COL26A1: variants seen among roughly 807,000 people sequenced by gnomAD.
COL26A1 encodes the protein collagen type XXVI alpha 1 chain, also known as collagen alpha-1(XXVI) chain.
A neutral mutation model predicts 59.3 loss-of-function variants in COL26A1; 41 were observed. That is an observed-to-expected ratio of 0.69 (90% CI 0.54 to 0.90). The LOEUF is 0.90. Among genes scored for constraint, COL26A1 ranks in the 40% least tolerant of loss-of-function variants. COL26A1 has a pLI of 0.00. For missense variants in COL26A1, 612 were observed against 602.3 expected (o/e 1.02, Z -0.17); for synonymous variants, 266 against 256.0 (o/e 1.04, Z -0.37).
At chr7:101,446,885 AATTTACACAGAGCCGGCTGT>A (rs1456381494) in intron 2 of COL26A1, among the ~76,000 whole-genome samples, 1 of 151,806 alleles carries the variant, frequency 6.6e-6, no homozygotes, top group Non-Finnish European at 1.5e-5. Flanking sequence ...GAGAAAGAGT[AATTTACACAGAGCCGGCTGT>A]ATGGGAGACT....
intron 12 of COL26A1, among the ~76,000 whole-genome samples, chr7:101,556,774 G>A (rs4729729): frequency 0.84 from 127,421 of 151,938 alleles, 53,838 homozygotes; most frequent in East Asian, 0.98. Context: ...GGGTGGATGG[G>A]CGGGTGAGTG....
chr7:101,524,883 C>A lies in COL26A1; in HGVS notation c.386-8199C>A, dbSNP rs116581447. Among the ~76,000 whole-genome samples, 988 of 152,222 alleles carry A rather than the reference C, an allele frequency of 6.5e-3. 16 individuals are homozygous for A. Among genetic ancestry groups the A allele is most frequent in the African/African-American group, 0.022 (930 of 41,512 alleles). ...CCTGTGGTCCAGCCATGGTGCAAGA[C>A]CCATCAACCTTGAATAAGGGTTGGA... On this transcript the variant is annotated intron_variant, in intron 3 of 12. Coordinates refer to ENST00000313669, the MANE Select transcript of COL26A1 (RefSeq NM_001278563.3).
chr7:101,380,680 T>C (rs1464421793), intron 1 of COL26A1, among the ~76,000 whole-genome samples: 22 of 152,162 alleles, frequency 1.4e-4, no homozygotes, highest in Non-Finnish European at 1.5e-5. Context: ...GGCCACACCC[T>C]GATCAGTCTT....
intron 1 of COL26A1, among the ~76,000 whole-genome samples, chr7:101,398,136 T>G (rs1791903183): frequency 6.6e-6 from 1 of 152,252 alleles, no homozygotes; most frequent in Non-Finnish European, 1.5e-5. Context: ...TTGTGCTTTT[T>G]CAGTGCTGTG....
intron 2 of COL26A1, among the ~76,000 whole-genome samples, chr7:101,423,459 G>A (rs1232282785): frequency 6.6e-6 from 1 of 152,194 alleles, no homozygotes; most frequent in Non-Finnish European, 1.5e-5. Context: ...GTCCGGCCCG[G>A]CGTGGTGGCT....
intron 2 of COL26A1, among the ~76,000 whole-genome samples, chr7:101,424,529 C>A (rs552480355): frequency 2.0e-5 from 3 of 151,764 alleles, no homozygotes; most frequent in African/African-American, 7.2e-5. Context: ...ACCTGGGAAG[C>A]GGAGGCTGCA....
chr7:101,387,774 A>ATTTTTTTTTTTTTTTTTTTT (rs1185449488), intron 1 of COL26A1, among the ~76,000 whole-genome samples: 10 of 48,898 alleles, frequency 2.0e-4, no homozygotes, highest in Non-Finnish European at 4.1e-4. Context: ...ATATATATAT[A>ATTTTTTTTTTTTTTTTTTTT]TATATTTTTT....
chr7:101,557,179 GA>G (rs1795998721), intron 12 of COL26A1, among the ~76,000 whole-genome samples, 190 bp from the exon 13 acceptor site: 1 of 152,200 alleles, frequency 6.6e-6, no homozygotes, highest in African/African-American at 2.4e-5. Context: ...GTGGATGGGT[GA>G]ATGAGTGAAT....
At chr7:101,491,165 C>G (rs139217203) in intron 3 of COL26A1, among the ~76,000 whole-genome samples, 1 of 152,054 alleles carries the variant, frequency 6.6e-6, no homozygotes, top group Non-Finnish European at 1.5e-5. Flanking sequence ...CATGCTCCCC[C>G]CTGCACGGCA....
chr7:101,495,356 C>T (rs945885166), intron 3 of COL26A1, among the ~76,000 whole-genome samples: 9 of 151,806 alleles, frequency 5.9e-5, no homozygotes, highest in Admixed American at 1.3e-4. Flanking sequence ...GCACCTCTGG[C>T]GGGGGGATTT....
intron 1 of COL26A1, among the ~76,000 whole-genome samples, chr7:101,364,007 A>G (rs1478679423): frequency 6.6e-6 from 1 of 152,074 alleles, no homozygotes; most frequent in Non-Finnish European, 1.5e-5. Context: ...CGGGACGTGG[A>G]ACCGGCTGGG....
At chr7:101,469,779 C>T (rs1047532371) in intron 3 of COL26A1, among the ~76,000 whole-genome samples, 3 of 151,906 alleles carry the variant, frequency 2.0e-5, no homozygotes, top group East Asian at 1.9e-4. Context: ...CGTGAACCAC[C>T]GCGCCCAGCT....
intron 1 of COL26A1, among the ~76,000 whole-genome samples, chr7:101,412,268 C>T (rs1020644186): frequency 1.3e-5 from 2 of 152,182 alleles, no homozygotes; most frequent in African/African-American, 4.8e-5. Flanking sequence ...GTTACCACCC[C>T]TTTCCATGAC....
Position 101,452,867 on chromosome 7 carries a change from G to A in COL26A1, c.385+5080G>A, listed in dbSNP as rs986540470. Among the ~76,000 whole-genome samples the A allele has an allele frequency of 4.6e-5, 7 of 151,864 alleles. No individual in the cohort carries two copies. In the East Asian group the frequency reaches 1.2e-3, roughly 25 times the overall value. On this transcript the variant is annotated intron_variant, in intron 3 of 12. Transcript: ENST00000313669. ...GCAACCTCCGCCTCCTGGGTTCAAC[G>A]GATTCTCCTGTCTTAGCCTCCCAAG...
rs980010295 is a variant in COL26A1, at chr7:101,362,875, G to GC, written c.-152dup. On this transcript the variant is annotated 5_prime_UTR_variant, in exon 1 of 13. Coordinates refer to ENST00000313669, the MANE Select transcript of COL26A1 (RefSeq NM_001278563.3). ...AAGGCGGCCCCGGAGAGGCGTGGGC[G>GC]CCCCCCACACATTTCCAGCTCGCAC... The GC allele has an allele frequency of 2.1e-5, 14 of 670,990 alleles. No homozygotes were observed. The African/African-American group carries it at 2.1e-4, about 10-fold the overall frequency. 41.6% of individuals were successfully genotyped at this position (670,990 alleles called of 1,614,324 possible). A position where few individuals can be genotyped will look rare whatever the true frequency, so the allele number is the denominator to read the frequency against.
At chr7:101,439,234 C>T (rs1439075628) in intron 2 of COL26A1, among the ~76,000 whole-genome samples, 2 of 151,804 alleles carry the variant, frequency 1.3e-5, no homozygotes, top group African/African-American at 2.4e-5. Context: ...CCTAGTCAGT[C>T]GATTGATAGT....
At chr7:101,529,208 C>T (rs1244126739) in intron 3 of COL26A1, among the ~76,000 whole-genome samples, 1 of 152,154 alleles carries the variant, frequency 6.6e-6, no homozygotes. Context: ...GTTATATGTG[C>T]TTGTTTGTTA....
intron 1 of COL26A1, among the ~76,000 whole-genome samples, chr7:101,371,211 C>T (rs1254632296): frequency 6.6e-6 from 1 of 152,144 alleles, no homozygotes; most frequent in Non-Finnish European, 1.5e-5. Flanking sequence ...GGGGGCTGTG[C>T]CTGGTGGCCT....
At chr7:101,493,757 TAAAAAAAAAAAA>T (rs57268952) in intron 3 of COL26A1, among the ~76,000 whole-genome samples, 5 of 69,214 alleles carry the variant, frequency 7.2e-5, no homozygotes, top group Admixed American at 5.4e-4. Context: ...CCATCTCTAC[TAAAAAAAAAAAA>T]AAAAAAAAAA....
Sources: allele counts gnomAD v4.1 joint callset (sites outside exome capture counted in the v4.1 genomes callset), GRCh38; gene constraint gnomAD v4.1.1; transcripts MANE v1.5; gene names NCBI Gene and HGNC (gene_info 2026-07-23, HGNC 2026-07-21).